Variants in DBX1 observed in about 807,000 individuals in gnomAD.
The protein encoded by DBX1 is homeobox protein DBX1.
Under a neutral mutation model 20.8 loss-of-function variants are expected in DBX1, and 10 were observed. The observed-to-expected ratio is 0.48, with a 90% CI of 0.30 to 0.82. The LOEUF is 0.82. Among genes scored for constraint, DBX1 ranks in the 40% least tolerant of loss-of-function variants. DBX1 has a pLI of 0.07. For synonymous variants in DBX1, 241 were observed against 213.9 expected (o/e 1.13, Z -1.11); for missense variants, 505 against 468.8 (o/e 1.08, Z -0.71).
intron 2 of DBX1, among the ~76,000 whole-genome samples, chr11:20,158,047 A>C (rs1469619357): frequency 6.6e-6 from 1 of 152,190 alleles, no homozygotes; most frequent in Non-Finnish European, 1.5e-5. Flanking sequence ...CTGCAGGCCA[A>C]GACCATTGGG....
At chr11:20,158,324 G>A (rs1295302202) in intron 2 of DBX1, among the ~76,000 whole-genome samples, 4 of 151,992 alleles carry the variant, frequency 2.6e-5, no homozygotes. Context: ...TGGGAGTGCT[G>A]TCGTGATTTT....
In DBX1 at chr11:20,156,599, A is replaced by T. The variant is rs758598740; in HGVS notation, c.673-26T>A. 15 of 1,613,726 alleles carry T rather than the reference A, an allele frequency of 9.3e-6. No homozygotes were observed. Among genetic ancestry groups the T allele is most frequent in the Non-Finnish European group, 1.3e-5 (15 of 1,180,000 alleles). ...CTGGAATGTCCCGGCCGGCGAGAAG[A>T]AGGGAGAAGCAGAGGTCAGATCAGG... On this transcript the variant is annotated intron_variant, in intron 3 of 3. Transcript: ENST00000524983. The surrounding 1 kb of genome is among the most constrained non-coding windows in gnomAD (Gnocchi z 4.8).
At chr11:20,159,871 G>T (rs2063679135) in intron 1 of DBX1, 87 bp downstream of exon 1, 2 of 1,580,866 alleles carry the variant, frequency 1.3e-6, no homozygotes, top group African/African-American at 1.3e-5. Context: ...GTGTGTGGGG[G>T]CCCGCTCGCT....
intron 2 of DBX1, among the ~76,000 whole-genome samples, chr11:20,158,826 T>C (rs2063673551): frequency 6.6e-6 from 1 of 152,014 alleles, no homozygotes; most frequent in Non-Finnish European, 1.5e-5. Context: ...GCTGACCAAT[T>C]GGTCATGGTG....
Position 20,157,161 on chromosome 11 carries a change from A to T in DBX1, c.548T>A (p.Leu183Gln). The T allele has an allele frequency of 6.2e-7, 1 of 1,610,000 alleles. No homozygotes were observed. The highest frequency in any genetic ancestry group is 8.5e-7 in the Non-Finnish European group (1 of 1,178,664). Residue 183 changes from leucine to glutamine, a missense_variant, in exon 3 of 4, where the codon CTG becomes CAG. Coordinates refer to ENST00000524983, the MANE Select transcript of DBX1 (RefSeq NM_001029865.4). ...CACGTCGGAGAAGACTGCTCGACGC[A>T]GCATGCCCCGCCGAGGCTTCCCGCG... Reference protein sequence around the residue: ...AARGKPRRGMLRRAVFSDVQR... With the variant: ...AARGKPRRGMQRRAVFSDVQR...
rs2063661108 is a variant in DBX1 at position 20,156,900 on chromosome 11, C to T, written c.672+137G>A. 2.3e-6 allele frequency: 2 copies of T among 873,398 alleles called. No individual in the cohort carries two copies. The highest frequency in any genetic ancestry group is 3.2e-5 in the South Asian group (2 of 62,140). The allele number at this position is 873,398 out of a possible 1,614,324, so 54.1% of individuals were successfully genotyped here. ...CTTCGAGGGTAGTGGCCCGTGTACTCACTCCCTCTCTAGGCCTCGGTTTTC... is the reference window on the plus strand; with the variant it reads ...CTTCGAGGGTAGTGGCCCGTGTACTTACTCCCTCTCTAGGCCTCGGTTTTC... On this transcript the variant is annotated intron_variant, in intron 3 of 3. Coordinates refer to ENST00000524983, the MANE Select transcript of DBX1 (RefSeq NM_001029865.4). The surrounding 1 kb of genome is among the most constrained non-coding windows in gnomAD (Gnocchi z 4.8).
chr11:20,157,869 GTT>G (rs2063668663), intron 2 of DBX1, among the ~76,000 whole-genome samples: 1 of 152,090 alleles, frequency 6.6e-6, no homozygotes, highest in South Asian at 2.1e-4. Context: ...AGGGGGGAGA[GTT>G]TTGCTTTAAG....
At position 20,156,402 on chromosome 11, in the gene DBX1, G is replaced by C; in HGVS notation, c.844C>G (p.Pro282Ala). ...GCCAGGCGGTGGCTGGGGCTGCCCG[G>C]GCCCTCCTCCTCCTCTTCGTTCCCA... ...GPGNEEEEEG[P>A]GSPSHRLAYH... The change falls in exon 4 of 4, where the codon CCG becomes GCG. Residue 282 changes from proline to alanine, a missense_variant. Coordinates refer to ENST00000524983, the MANE Select transcript of DBX1 (RefSeq NM_001029865.4). The surrounding 1 kb of genome is among the most constrained non-coding windows in gnomAD (Gnocchi z 4.8). The C allele has an allele frequency of 6.2e-7, 1 of 1,603,074 alleles. No homozygotes were observed. Among genetic ancestry groups the C allele is most frequent in the Non-Finnish European group, 8.5e-7 (1 of 1,174,426 alleles).
In DBX1 at chr11:20,159,952, G is replaced by A; in HGVS notation, c.367+6C>T. The A allele has an allele frequency of 6.2e-7, 1 of 1,614,064 alleles. No individual in the cohort carries two copies. Among genetic ancestry groups the A allele is most frequent in the Non-Finnish European group, 8.5e-7 (1 of 1,179,994 alleles). Reference sequence around the variant, plus strand: ...AATGGGCCCTTAGGGTTCTGACCTCGCTTACCTGTTCTGGGCCCCGAGGAG... The same window carrying A: ...AATGGGCCCTTAGGGTTCTGACCTCACTTACCTGTTCTGGGCCCCGAGGAG... On this transcript the variant is annotated splice_donor_region_variant and intron_variant, in intron 1 of 3. Transcript: ENST00000524983.
Position 20,156,783 on chromosome 11 carries a change from A to C in DBX1, c.673-210T>G. Reference sequence around the variant, plus strand: ...GGTTCCGTTTGCCTCATCCGCTGCCACCCTGCCCCGAAGGGCGGGGTTGGG... The same window carrying C: ...GGTTCCGTTTGCCTCATCCGCTGCCCCCCTGCCCCGAAGGGCGGGGTTGGG... On this transcript the variant is annotated intron_variant, in intron 3 of 3. Transcript: ENST00000524983. The surrounding 1 kb of genome is among the most constrained non-coding windows in gnomAD (Gnocchi z 4.8). 3.5e-6 allele frequency: 3 copies of C among 865,668 alleles called. No homozygotes were observed. Among genetic ancestry groups the C allele is most frequent in the East Asian group, 2.5e-5 (1 of 39,390 alleles). The allele number at this position is 865,668 out of a possible 1,614,324, so 53.6% of individuals were successfully genotyped here.
rs1294906845 is a variant in DBX1 at position 20,160,048 on chromosome 11, C to T, written c.277G>A (p.Gly93Ser). The T allele has an allele frequency of 3.1e-6, 5 of 1,589,504 alleles. No individual in the cohort carries two copies. Among genetic ancestry groups the T allele is most frequent in the Non-Finnish European group, 4.3e-6 (5 of 1,168,496 alleles). Residue 93 changes from glycine to serine, a missense_variant, in exon 1 of 4, where the codon GGC becomes AGC. Transcript: ENST00000524983. ...GSPGPGSRRGGSPPTAFSPAS... is the reference protein window; with the variant it reads ...GSPGPGSRRGSSPPTAFSPAS... ...GGGGAGAAGGCAGTCGGCGGAGAGC[C>T]GCCCCGTCGGCTGCCGGGACCCGGG...
rs779883729 is a variant in DBX1, at chr11:20,156,695, C to T, written c.673-122G>A. ...CTCTGTCCTTCGGGCTGTGTCCTCT[C>T]CCCACCCCCAGAAATGAGTTCCGGT... On this transcript the variant is annotated intron_variant, in intron 3 of 3. Transcript: ENST00000524983. This position sits in a 1 kb window ranked among gnomAD's most constrained non-coding sequence, Gnocchi z 4.8. 4.3e-6 allele frequency: 6 copies of T among 1,408,114 alleles called. No homozygotes were observed. In the South Asian group the frequency reaches 6.9e-5, roughly 16 times the overall value. The allele number at this position is 1,408,114 out of a possible 1,614,324, so 87.2% of individuals were successfully genotyped here.
In DBX1 at chr11:20,156,353, T is replaced by C. The variant is rs2063655966; in HGVS notation, c.893A>G (p.Gln298Arg). ...RLAYHASSDPQHLRDPRLPGP... is the reference protein window; with the variant it reads ...RLAYHASSDPRHLRDPRLPGP... ...TGGCAGCCGCGGGTCCCGCAGGTGC[T>C]GGGGGTCGGAGGACGCGTGGTAGGC... is the stretch of plus-strand genomic sequence containing the variant. Residue 298 changes from glutamine (Q) to arginine (R), a missense_variant, in exon 4 of 4, where the codon CAG becomes CGG. Gln to Arg is a conservative substitution (Grantham distance 43). Coordinates refer to ENST00000524983, the MANE Select transcript of DBX1 (RefSeq NM_001029865.4). The surrounding 1 kb of genome is among the most constrained non-coding windows in gnomAD (Gnocchi z 4.8). The C allele has an allele frequency of 6.2e-7, 1 of 1,601,152 alleles. No homozygotes were observed. The highest frequency in any genetic ancestry group is 8.5e-7 in the Non-Finnish European group (1 of 1,171,742).
chr11:20,159,116 G>T, intron 2 of DBX1, 75 bp downstream of exon 2: 1 of 1,041,850 alleles, frequency 9.6e-7, no homozygotes, highest in Non-Finnish European at 1.5e-6. Flanking sequence ...GAGAAATACG[G>T]CTTCGGAGCA....
chr11:20,158,464 A>G (rs1388681985), intron 2 of DBX1, among the ~76,000 whole-genome samples: 1 of 152,086 alleles, frequency 6.6e-6, no homozygotes, highest in African/African-American at 2.4e-5. Flanking sequence ...ACAGGAAGAA[A>G]ACCTGGTGGA....
In DBX1 at chr11:20,156,812, C is replaced by G. The variant is rs980150581; in HGVS notation, c.672+225G>C. 2.3e-5 allele frequency: 18 copies of G among 770,614 alleles called. No homozygotes were observed. The highest frequency in any genetic ancestry group is 3.5e-5 in the African/African-American group (2 of 57,804). The allele number at this position is 770,614 out of a possible 1,614,324, so 47.7% of individuals were successfully genotyped here. ...TGCCCCGAAGGGCGGGGTTGGGGGC[C>G]GGTGAGGCCGGGAGAGAAGGCGGGG... On this transcript the variant is annotated intron_variant, in intron 3 of 3. Transcript: ENST00000524983. The surrounding 1 kb of genome is among the most constrained non-coding windows in gnomAD (Gnocchi z 4.8).
At position 20,157,275 on chromosome 11, in the gene DBX1, T is replaced by A. The variant is rs2063664979; in HGVS notation, c.470-36A>T. On this transcript the variant is annotated intron_variant, in intron 2 of 3. Transcript: ENST00000524983. Reference sequence around the variant, plus strand: ...GGGGGAGGTGGCGAGTGAGTGGGCGTACGCCCCCCAGTCCCAACACGGCTC... The same window carrying A: ...GGGGGAGGTGGCGAGTGAGTGGGCGAACGCCCCCCAGTCCCAACACGGCTC... The A allele has an allele frequency of 3.3e-6, 5 of 1,520,464 alleles. No homozygotes were observed. The African/African-American group carries it at 5.5e-5, about 17-fold the overall frequency. The allele number at this position is 1,520,464 out of a possible 1,614,324, so 94.2% of individuals were successfully genotyped here.
intron 2 of DBX1, among the ~76,000 whole-genome samples, chr11:20,158,940 A>G (rs1171199931): frequency 6.6e-6 from 1 of 152,098 alleles, no homozygotes; most frequent in Non-Finnish European, 1.5e-5. Context: ...AACCGCCTCA[A>G]ATTGGGACCA....
Position 20,156,493 on chromosome 11 carries a change from G to A in DBX1, c.753C>T (p.Arg251=). The A allele has an allele frequency of 6.2e-7, 1 of 1,613,920 alleles. No individual in the cohort carries two copies. Among genetic ancestry groups the A allele is most frequent in the Non-Finnish European group, 8.5e-7 (1 of 1,180,012 alleles). ...ERELLSSGGC[R]EQTLPTKLNP... ...TGAGCTTGGTGGGCAGGGTCTGCTC[G>A]CGACAGCCCCCGCTAGACAGGAGTT... Residue 251 remains arginine (R), a synonymous_variant, in exon 4 of 4, where the codon CGC becomes CGT. Transcript: ENST00000524983. The surrounding 1 kb of genome is among the most constrained non-coding windows in gnomAD (Gnocchi z 4.8).
Sources: allele counts gnomAD v4.1 joint callset (sites outside exome capture counted in the v4.1 genomes callset), GRCh38; gene constraint gnomAD v4.1.1; non-coding constraint Gnocchi (gnomAD v3.1); transcripts MANE v1.5; gene names NCBI Gene and HGNC (gene_info 2026-07-23, HGNC 2026-07-21).